Variants in DNAJC2 observed in about 807,000 individuals in gnomAD.
The protein encoded by DNAJC2 is dnaJ homolog subfamily C member 2.
Under a neutral mutation model 94.0 loss-of-function variants are expected in DNAJC2, and 32 were observed. That is an observed-to-expected ratio of 0.34 (90% CI 0.26 to 0.46). DNAJC2 has a LOEUF of 0.46. DNAJC2 is among the 20% of genes least tolerant of loss of function. The pLI is 1.00. For synonymous variants in DNAJC2, 210 were observed against 229.7 expected, an observed-to-expected ratio of 0.91 and a Z score of 0.77; for missense variants, 550 against 719.5, an observed-to-expected ratio of 0.76 and a Z score of 2.69.
At position 103,312,430 on chromosome 7, in the gene DNAJC2, A is replaced by G; in HGVS notation, c.*139T>C. The G allele has an allele frequency of 6.6e-7, 1 of 1,512,418 alleles. No individual in the cohort carries two copies. Among genetic ancestry groups the G allele is most frequent in the Non-Finnish European group, 8.8e-7 (1 of 1,139,930 alleles). 93.7% of individuals were successfully genotyped at this position (1,512,418 alleles called of 1,614,324 possible). ...ACCCCTCTGAAGGTTGTTTTGTATTAATGGTCAGTCTTTGTTCTCTGAGAA... is the reference window on the plus strand; with the variant it reads ...ACCCCTCTGAAGGTTGTTTTGTATTGATGGTCAGTCTTTGTTCTCTGAGAA... On this transcript the variant is annotated 3_prime_UTR_variant, in exon 17 of 17. Coordinates refer to ENST00000379263, the MANE Select transcript of DNAJC2 (RefSeq NM_014377.3).
At chr7:103,314,549 G>A in intron 15 of DNAJC2, 1 of 985,378 alleles carries the variant, frequency 1.0e-6, no homozygotes, top group Non-Finnish European at 1.2e-6. Flanking sequence ...TGAGACTAGT[G>A]TGCTAATACC....
rs199882463 is a variant in DNAJC2 at position 103,317,006 on chromosome 7, T to G, written c.1251A>C (p.Glu417Asp). 1 of 1,612,874 alleles carries G rather than the reference T, an allele frequency of 6.2e-7. No homozygotes were observed. Among genetic ancestry groups the G allele is most frequent in the African/African-American group, 1.3e-5 (1 of 74,946 alleles). Reference protein sequence around the residue: ...GKAALEKQIEEINEQIRKEKE... With the variant: ...GKAALEKQIEDINEQIRKEKE... ...TCTCTTTTCTGATTTGCTCATTTAT[T>G]TCTTCTATCTGCACAAATATCATAA... The change falls in exon 13 of 17, where the codon GAA becomes GAC. Residue 417 changes from glutamate (E) to aspartate (D), a missense_variant. Glu to Asp is a conservative substitution (Grantham distance 45). This residue lies in a region of DNAJC2 where 271 missense variants were observed against 302.6 expected (regional missense o/e 0.90). Transcript: ENST00000379263.
At chr7:103,340,896 A>G (rs970991413) in intron 2 of DNAJC2, among the ~76,000 whole-genome samples, 20 of 152,188 alleles carry the variant, frequency 1.3e-4, no homozygotes, top group African/African-American at 3.6e-4. Context: ...CAGTCTTCAC[A>G]TAGTCAAACT....
At chr7:103,316,191 C>T (rs1818044812) in intron 13 of DNAJC2, 103 bp from the exon 14 acceptor site, 2 of 627,060 alleles carry the variant, frequency 3.2e-6, no homozygotes, top group African/African-American at 1.9e-5. Context: ...ATAGTATGTA[C>T]AGAATGAGCT....
intron 2 of DNAJC2, among the ~76,000 whole-genome samples, chr7:103,341,256 A>G (rs1367518286): frequency 1.3e-5 from 2 of 152,194 alleles, no homozygotes; most frequent in African/African-American, 4.8e-5. Context: ...CTTTTCTAAA[A>G]TTAGCTAAGA....
At chr7:103,329,004 C>T in intron 3 of DNAJC2, 1 of 1,275,800 alleles carries the variant, frequency 7.8e-7, no homozygotes, top group Non-Finnish European at 1.0e-6. Flanking sequence ...CTATTTCATA[C>T]TCCTACGTGA....
intron 4 of DNAJC2, chr7:103,327,439 T>C (rs1343575773): frequency 6.2e-6 from 5 of 804,562 alleles, no homozygotes; most frequent in Non-Finnish European, 9.8e-6. Context: ...GCATTTCTAA[T>C]AAGCTGCCAG....
rs775551433 is a variant in DNAJC2, at chr7:103,312,582, C to T, written c.1853G>A (p.Arg618Lys). 1.1e-5 allele frequency: 17 copies of T among 1,612,690 alleles called. No individual in the cohort carries two copies. The highest frequency in any genetic ancestry group is 2.7e-5 in the African/African-American group (2 of 74,894). Residue 618 changes from arginine (R) to lysine (K), a missense_variant, in exon 17 of 17, where the codon AGA (arginine) becomes AAA (lysine). By Grantham distance (26) the Arg-to-Lys change is conservative. This residue lies in a region of DNAJC2 where 271 missense variants were observed against 302.6 expected (regional missense o/e 0.90). Transcript: ENST00000379263. ...CAACAAAGATTGTCATTTCTTGGCT[C>T]TACTTGCATTCAGCACTTGTTCTTG... ...AAQEQVLNASRAKK is the reference protein window; with the variant it reads ...AAQEQVLNASKAKK
At chr7:103,341,134 G>A (rs1211985914) in intron 2 of DNAJC2, among the ~76,000 whole-genome samples, 1 of 152,122 alleles carries the variant, frequency 6.6e-6, no homozygotes, top group African/African-American at 2.4e-5. Context: ...TAAGTTCAAG[G>A]ATTCAGTCAC....
chr7:103,333,475 T>G (rs987800688), intron 3 of DNAJC2, among the ~76,000 whole-genome samples: 9 of 152,220 alleles, frequency 5.9e-5, no homozygotes, highest in Non-Finnish European at 1.3e-4. Context: ...GTATTTTTGG[T>G]TTGTTTAATC....
rs1163471468 is a variant in DNAJC2, at chr7:103,344,684, G to A, written c.-62C>T. ...CACGTCCCGGGCGGAGGGCGCTTAGGGTCCCCTCCAGCTCTACCTCTCACT... is the reference window on the plus strand; with the variant it reads ...CACGTCCCGGGCGGAGGGCGCTTAGAGTCCCCTCCAGCTCTACCTCTCACT... On this transcript the variant is annotated 5_prime_UTR_variant, in exon 1 of 17. Coordinates refer to ENST00000379263, the MANE Select transcript of DNAJC2 (RefSeq NM_014377.3). 9.6e-6 allele frequency: 15 copies of A among 1,558,784 alleles called. No homozygotes were observed. The highest frequency in any genetic ancestry group is 2.6e-6 in the Non-Finnish European group (3 of 1,144,144).
chr7:103,317,081 G>A (rs1303153503), intron 12 of DNAJC2, 67 bp from the exon 13 acceptor site: 2 of 1,404,538 alleles, frequency 1.4e-6, no homozygotes, highest in Admixed American at 1.9e-5. Context: ...TCTCTTCCTG[G>A]CTAGGGCTTT....
chr7:103,326,565 G>A lies in DNAJC2; in HGVS notation c.550C>T (p.Pro184Ser), dbSNP rs1818718406. ...AKDNFFEVFT[P>S]VFERNSRWSN... is the part of the protein sequence containing the mutation. ...TACCTGGAATTCCTTTCAAACACTGGGGTAAACACTTCGAAGAAATTATCC... is the reference window on the plus strand; with the variant it reads ...TACCTGGAATTCCTTTCAAACACTGAGGTAAACACTTCGAAGAAATTATCC... The change falls in exon 5 of 17, where the codon CCA (proline) becomes TCA (serine). Residue 184 changes from proline (P) to serine (S), a missense_variant. Pro to Ser is a moderately conservative substitution (Grantham distance 74, BLOSUM62 -1). Transcript: ENST00000379263. The A allele has an allele frequency of 6.2e-7, 1 of 1,613,626 alleles. No individual in the cohort carries two copies. The highest frequency in any genetic ancestry group is 1.3e-5 in the African/African-American group (1 of 74,824).
chr7:103,344,688 C>G lies in DNAJC2; in HGVS notation c.-66G>C. ...TCCCGGGCGGAGGGCGCTTAGGGTC[C>G]CCTCCAGCTCTACCTCTCACTCCGA... On this transcript the variant is annotated 5_prime_UTR_variant, in exon 1 of 17. Coordinates refer to ENST00000379263, the MANE Select transcript of DNAJC2 (RefSeq NM_014377.3). The G allele has an allele frequency of 6.5e-7, 1 of 1,535,500 alleles. No individual in the cohort carries two copies. Among genetic ancestry groups the G allele is most frequent in the Non-Finnish European group, 8.9e-7 (1 of 1,123,480 alleles).
rs113906075 is a variant in DNAJC2 at position 103,318,175 on chromosome 7, G to GTT, written c.1243-1163_1243-1162dup. On this transcript the variant is annotated intron_variant, in intron 12 of 16. Transcript: ENST00000379263. ...TCCCCATAACATTTTTTTTTTGTCT[G>GTT]TTTTTTTTGAGACAAAGTCTCGCTC... Among the ~76,000 whole-genome samples, 204 of 150,092 alleles carry GTT rather than the reference G, an allele frequency of 1.4e-3. 7 individuals carry two copies. In the East Asian group the frequency reaches 0.037, roughly 27 times the overall value.
chr7:103,327,406 G>C, intron 4 of DNAJC2: 2 of 1,035,192 alleles, frequency 1.9e-6, no homozygotes, highest in South Asian at 2.7e-5. Context: ...TTAATCAGTA[G>C]GTTTGGGGCA....
In DNAJC2 at chr7:103,344,739, C is replaced by T. The variant is rs1232454369; in HGVS notation, c.-117G>A. The T allele has an allele frequency of 2.8e-6, 3 of 1,065,146 alleles. No homozygotes were observed. The highest frequency in any genetic ancestry group is 1.6e-5 in the African/African-American group (1 of 64,020). The allele number at this position is 1,065,146 out of a possible 1,614,324, so 66.0% of individuals were successfully genotyped here. On this transcript the variant is annotated 5_prime_UTR_variant, in exon 1 of 17. Transcript: ENST00000379263. ...GCCTCGCGCCTTGGCTCTAAGACGCCCAGGAACCGGCGCATGGAGACGACC... is the reference window on the plus strand; with the variant it reads ...GCCTCGCGCCTTGGCTCTAAGACGCTCAGGAACCGGCGCATGGAGACGACC...
chr7:103,337,675 A>T (rs1203479460), intron 3 of DNAJC2, 61 bp downstream of exon 3: 4 of 1,323,234 alleles, frequency 3.0e-6, no homozygotes, highest in Non-Finnish European at 4.3e-6. Flanking sequence ...TCTTTTAAAA[A>T]GCATAGCCAG....
intron 12 of DNAJC2, 67 bp from the exon 13 acceptor site, chr7:103,317,081 G>C: frequency 7.1e-7 from 1 of 1,404,656 alleles, no homozygotes; most frequent in Non-Finnish European, 9.8e-7. Context: ...TCTCTTCCTG[G>C]CTAGGGCTTT....
Sources: allele counts gnomAD v4.1 joint callset (sites outside exome capture counted in the v4.1 genomes callset), GRCh38; gene constraint gnomAD v4.1.1; regional missense constraint gnomAD v4.1.1; transcripts MANE v1.5; gene names NCBI Gene and HGNC (gene_info 2026-07-23, HGNC 2026-07-21).